Variants in RBM44 observed in about 807,000 individuals in gnomAD.
The protein encoded by RBM44 is RNA binding motif protein 44.
Under a neutral mutation model 105.1 loss-of-function variants are expected in RBM44, and 66 were observed. The ratio of observed to expected loss-of-function variants is 0.63; its 90% CI spans 0.52 to 0.77. The LOEUF is 0.77. RBM44 is among the 30% of genes least tolerant of loss of function. RBM44 has a pLI of 0.00. For missense variants in RBM44, 1,122 were observed against 1,207.8 expected (o/e 0.93, Z 1.05); for synonymous variants, 365 against 417.6 (o/e 0.87, Z 1.54).
chr2:237,807,843 C>T (rs570524970), intron 1 of RBM44, among the ~76,000 whole-genome samples: 14 of 152,280 alleles, frequency 9.2e-5, no homozygotes, highest in African/African-American at 3.4e-4. Flanking sequence ...TAAAGAGATT[C>T]CAGATTACTA....
rs767011343 is a variant in RBM44, at chr2:237,816,973, T to C, written c.74-20T>C. On this transcript the variant is annotated intron_variant, in intron 2 of 15. Coordinates refer to ENST00000316997, the MANE Select transcript of RBM44 (RefSeq NM_001080504.3). ...ATTCTGTAATGTTGCTGTTAATGTT[T>C]TTATCCTTTTTTTAATCAGATAAAC... 28 of 1,402,144 alleles carry C rather than the reference T, an allele frequency of 2.0e-5. No homozygotes were observed. The East Asian group carries it at 6.3e-4, about 32-fold the overall frequency. 86.9% of individuals were successfully genotyped at this position (1,402,144 alleles called of 1,614,324 possible). A position where few individuals can be genotyped will look rare whatever the true frequency, so the allele number is the denominator to read the frequency against.
chr2:237,807,005 C>A (rs2061605713), intron 1 of RBM44, among the ~76,000 whole-genome samples: 1 of 152,144 alleles, frequency 6.6e-6, no homozygotes, highest in African/African-American at 2.4e-5. Context: ...TTATAAGTAG[C>A]TAAACGTATC....
intron 1 of RBM44, among the ~76,000 whole-genome samples, chr2:237,805,824 G>C (rs1193484730): frequency 6.6e-6 from 1 of 152,058 alleles, no homozygotes; most frequent in Non-Finnish European, 1.5e-5. Context: ...AATTAGCCAG[G>C]CATGGTGTTG....
At chr2:237,833,630 ATCTC>A (rs1337494419) in intron 13 of RBM44, among the ~76,000 whole-genome samples, 3 of 152,226 alleles carry the variant, frequency 2.0e-5, no homozygotes, top group African/African-American at 7.2e-5. Context: ...TAATGAATGA[ATCTC>A]TCTCCTGTGC....
intron 13 of RBM44, among the ~76,000 whole-genome samples, chr2:237,833,672 TC>T (rs1162436305): frequency 6.6e-6 from 1 of 152,198 alleles, no homozygotes; most frequent in Non-Finnish European, 1.5e-5. Context: ...TTATGTCCTA[TC>T]TTTGAGAGAA....
chr2:237,802,803 G>A (rs6431560), intron 1 of RBM44, among the ~76,000 whole-genome samples: 24,704 of 152,108 alleles, frequency 0.16, 2,668 homozygotes, highest in African/African-American at 0.31. Flanking sequence ...AAAGGTATTC[G>A]TCTCTGAAAC....
At chr2:237,814,865 T>G (rs181007862) in intron 2 of RBM44, among the ~76,000 whole-genome samples, 29 of 148,402 alleles carry the variant, frequency 2.0e-4, no homozygotes, top group African/African-American at 7.4e-4. Flanking sequence ...TAATACTCTG[T>G]GTAGTGTAAA....
At chr2:237,820,972 G>A (rs1374567063) in intron 5 of RBM44, 99 bp from the exon 6 acceptor site, 2 of 817,392 alleles carry the variant, frequency 2.4e-6, no homozygotes, top group East Asian at 5.6e-5. Context: ...GATTGCTTGA[G>A]CCCAGGAGTT....
chr2:237,819,005 C>A (rs1312332185), intron 4 of RBM44, 46 bp downstream of exon 4: 7 of 1,005,822 alleles, frequency 7.0e-6, no homozygotes, highest in South Asian at 6.6e-5. Context: ...AAGAAAAAAT[C>A]AAAATAGTAT....
chr2:237,829,996 A>T (rs919975), intron 13 of RBM44, among the ~76,000 whole-genome samples: 34,829 of 150,662 alleles, frequency 0.23, 4,509 homozygotes, highest in East Asian at 0.47. Flanking sequence ...CACAGATTTT[A>T]AAAAAAAAAT....
At chr2:237,829,813 A>T (rs1014407744) in intron 13 of RBM44, among the ~76,000 whole-genome samples, 2 of 152,106 alleles carry the variant, frequency 1.3e-5, no homozygotes, top group Admixed American at 6.6e-5. Context: ...TTTTTCTTTC[A>T]TAGCTAACTT....
rs531090800 is a variant in RBM44, at chr2:237,839,818, C to T, written c.*23-2021C>T. ...TCATCAAAATCAAGAACTTGAACAT[C>T]AAAGGACACTATCAAAAGAGTGAAA... On this transcript the variant is annotated intron_variant, in intron 15 of 15. Coordinates refer to ENST00000316997, the MANE Select transcript of RBM44 (RefSeq NM_001080504.3). 1.8e-4 allele frequency among the ~76,000 whole-genome samples: 28 copies of T among 152,140 alleles called. No individual in the cohort carries two copies. The South Asian group carries it at 3.7e-3, about 20-fold the overall frequency.
intron 12 of RBM44, among the ~76,000 whole-genome samples, 170 bp downstream of exon 12, chr2:237,827,673 C>T (rs1401145383): frequency 6.6e-6 from 1 of 152,102 alleles, no homozygotes; most frequent in African/African-American, 2.4e-5. Context: ...TGAGTTGATA[C>T]TGTTCTTAAC....
At chr2:237,800,441 G>A (rs2061533885) in intron 1 of RBM44, among the ~76,000 whole-genome samples, 1 of 152,080 alleles carries the variant, frequency 6.6e-6, no homozygotes, top group Non-Finnish European at 1.5e-5. Context: ...TTTTAACTTT[G>A]GGTGTCTTCA....
intron 5 of RBM44, 162 bp downstream of exon 5, chr2:237,820,513 A>C (rs2061774294): frequency 2.1e-6 from 1 of 481,406 alleles, no homozygotes; most frequent in African/African-American, 2.0e-5. Context: ...CTTGAGTTTC[A>C]TGGAGGGGCC....
rs1411606845 is a variant in RBM44 at position 237,820,831 on chromosome 2, T to TA, written c.1914-238dup. On this transcript the variant is annotated intron_variant, in intron 5 of 15. Transcript: ENST00000316997. ...GGGAAGCTGAGGCAGGAGAATCACTTAAGGCCAAGAGTTCAAGACCAATGT... is the reference window on the plus strand; with the variant it reads ...GGGAAGCTGAGGCAGGAGAATCACTTAAAGGCCAAGAGTTCAAGACCAATGT... 6.5e-5 allele frequency: 23 copies of TA among 352,112 alleles called. No homozygotes were observed. The Admixed American group carries it at 9.5e-4, about 15-fold the overall frequency. 21.8% of individuals were successfully genotyped at this position (352,112 alleles called of 1,614,324 possible).
In RBM44 at chr2:237,810,875, G is replaced by A. The variant is rs925882582; in HGVS notation, c.-18-2717G>A. On this transcript the variant is annotated intron_variant, in intron 1 of 15. Transcript: ENST00000316997. The stretch of plus-strand genomic sequence containing the variant: ...CTCCAGCATCAAAAGGCCACCTCTC[G>A]GGCATTTGCATTGGCCCAGTTGAAG... Among the ~76,000 whole-genome samples, 15 of 152,108 alleles carry A rather than the reference G, an allele frequency of 9.9e-5. 1 individual carries two copies. Among genetic ancestry groups the A allele is most frequent in the African/African-American group, 2.4e-4 (10 of 41,406 alleles).
At chr2:237,835,106 A>T (rs1280093410) in intron 15 of RBM44, among the ~76,000 whole-genome samples, 1 of 152,084 alleles carries the variant, frequency 6.6e-6, no homozygotes, top group Non-Finnish European at 1.5e-5. Flanking sequence ...CTGTATGGTG[A>T]TTGTGATCAG....
In RBM44 at chr2:237,808,928, A is replaced by G. The variant is rs912206503; in HGVS notation, c.-18-4664A>G. 3.9e-5 allele frequency among the ~76,000 whole-genome samples: 6 copies of G among 152,320 alleles called. No individual in the cohort carries two copies. The East Asian group carries it at 5.8e-4, about 15-fold the overall frequency. On this transcript the variant is annotated intron_variant, in intron 1 of 15. Coordinates refer to ENST00000316997, the MANE Select transcript of RBM44 (RefSeq NM_001080504.3). ...AACATAATTGTGCATATCATCAAAC[A>G]TATATGCCAGCTTTCTTCCATAGGA...
Sources: allele counts gnomAD v4.1 joint callset (sites outside exome capture counted in the v4.1 genomes callset), GRCh38; gene constraint gnomAD v4.1.1; transcripts MANE v1.5; gene names NCBI Gene and HGNC (gene_info 2026-07-23, HGNC 2026-07-21).